The following CDH13 variants were observed in gnomAD, a reference collection of about 807,000 sequenced individuals.
CDH13 encodes the protein cadherin 13.
Under a neutral mutation model 63.8 loss-of-function variants are expected in CDH13, and 24 were observed. That is an observed-to-expected ratio of 0.38 (90% CI 0.27 to 0.53). CDH13 has a LOEUF of 0.53. Among genes scored for constraint, CDH13 ranks in the 20% least tolerant of loss-of-function variants. The pLI, the probability that CDH13 is intolerant of heterozygous loss-of-function variation, is 0.85. For missense variants in CDH13, 1,049 were observed against 903.1 expected (o/e 1.16, Z -2.07); for synonymous variants, 503 against 355.3 (o/e 1.42, Z -4.67).
intron 2 of CDH13, among the ~76,000 whole-genome samples, chr16:82,899,143 C>T (rs926634735): frequency 1.3e-5 from 2 of 152,192 alleles, no homozygotes; most frequent in African/African-American, 4.8e-5. Context: ...TCCTTTACTG[C>T]AAGCTCAGTC....
At chr16:83,581,006 A>G (rs561581605) in intron 7 of CDH13, among the ~76,000 whole-genome samples, 6 of 152,338 alleles carry the variant, frequency 3.9e-5, no homozygotes, top group Non-Finnish European at 8.8e-5. Flanking sequence ...CATTACCCAT[A>G]GATGGTGCCA....
At chr16:83,445,560 C>T (rs919251858) in intron 6 of CDH13, among the ~76,000 whole-genome samples, 3 of 152,070 alleles carry the variant, frequency 2.0e-5, no homozygotes, top group African/African-American at 4.8e-5. Flanking sequence ...TCCACAAAGG[C>T]GCAACCAGAA....
At chr16:83,382,499 T>C (rs1177142498) in intron 6 of CDH13, among the ~76,000 whole-genome samples, 1 of 152,150 alleles carries the variant, frequency 6.6e-6, no homozygotes, top group Non-Finnish European at 1.5e-5. Context: ...TATGTATCTA[T>C]GTGATGTCCC....
At chr16:82,908,964 C>T (rs905568196) in intron 2 of CDH13, among the ~76,000 whole-genome samples, 7 of 152,022 alleles carry the variant, frequency 4.6e-5, no homozygotes, top group African/African-American at 9.7e-5. Flanking sequence ...AAGGGTTCCA[C>T]GGGGCTGACT....
At chr16:83,057,291 G>A (rs2031048238) in intron 3 of CDH13, among the ~76,000 whole-genome samples, 1 of 152,084 alleles carries the variant, frequency 6.6e-6, no homozygotes, top group Admixed American at 6.6e-5. Flanking sequence ...TTAGCAACCT[G>A]AGAACAGACT....
intron 1 of CDH13, among the ~76,000 whole-genome samples, chr16:82,629,173 A>G (rs555414359): frequency 6.6e-6 from 1 of 152,314 alleles, no homozygotes; most frequent in East Asian, 1.9e-4. Context: ...GGCTCTGCGC[A>G]CGGTTCTTTT....
chr16:83,124,796 C>T (rs2035738837), intron 3 of CDH13, among the ~76,000 whole-genome samples: 1 of 152,118 alleles, frequency 6.6e-6, no homozygotes, highest in Non-Finnish European at 1.5e-5. Context: ...ATTTCCCTAT[C>T]ATATATTTTT....
intron 2 of CDH13, among the ~76,000 whole-genome samples, chr16:82,963,174 C>T (rs944291589): frequency 6.7e-6 from 1 of 150,356 alleles, no homozygotes; most frequent in African/African-American, 2.5e-5. Context: ...AGTTGAAGAC[C>T]AGCCTGGCCA....
At chr16:83,259,718 C>T (rs1259768774) in intron 5 of CDH13, among the ~76,000 whole-genome samples, 4 of 152,016 alleles carry the variant, frequency 2.6e-5, no homozygotes, top group African/African-American at 4.8e-5. Context: ...CATAGGTATA[C>T]GTGATTTTGA....
chr16:83,227,813 G>T (rs2039886681), intron 5 of CDH13, among the ~76,000 whole-genome samples: 1 of 152,174 alleles, frequency 6.6e-6, no homozygotes, highest in Non-Finnish European at 1.5e-5. Context: ...AAGGGATTCA[G>T]CTCAACCTGG....
At chr16:82,854,200 C>G (rs2039600425) in intron 1 of CDH13, among the ~76,000 whole-genome samples, 1 of 151,992 alleles carries the variant, frequency 6.6e-6, no homozygotes, top group African/African-American at 2.4e-5. Context: ...GATATCGAGA[C>G]CACCCTGGCC....
At chr16:82,662,056 CAG>C (rs1316365094) in intron 1 of CDH13, among the ~76,000 whole-genome samples, 4 of 152,208 alleles carry the variant, frequency 2.6e-5, no homozygotes, top group Non-Finnish European at 5.9e-5. Context: ...CCCGCCATCA[CAG>C]AGGGATTTGC....
intron 11 of CDH13, among the ~76,000 whole-genome samples, chr16:83,762,382 G>C (rs1448077581): frequency 2.0e-5 from 3 of 150,422 alleles, no homozygotes; most frequent in Non-Finnish European, 4.5e-5. Context: ...CTTAAGAAAG[G>C]ATAAAATAAA....
chr16:83,410,215 A>G (rs2092106294), intron 6 of CDH13, among the ~76,000 whole-genome samples: 1 of 152,214 alleles, frequency 6.6e-6, no homozygotes, highest in Admixed American at 6.5e-5. Context: ...TGTGTCTTTC[A>G]TGGGTCTCTA....
chr16:83,468,141 A>G (rs530660274), intron 6 of CDH13, among the ~76,000 whole-genome samples: 4 of 152,286 alleles, frequency 2.6e-5, no homozygotes, highest in South Asian at 4.1e-4. Flanking sequence ...GACCTTGTCC[A>G]TGTGATCTGA....
At chr16:82,978,559 A>G (rs758763557) in intron 2 of CDH13, among the ~76,000 whole-genome samples, 1 of 152,254 alleles carries the variant, frequency 6.6e-6, no homozygotes, top group Non-Finnish European at 1.5e-5. Flanking sequence ...AGGCCAAGGT[A>G]CAGCTCAGGT....
chr16:83,621,590 G>A (rs1314747171), intron 8 of CDH13, among the ~76,000 whole-genome samples: 1 of 134,814 alleles, frequency 7.4e-6, no homozygotes, highest in Non-Finnish European at 1.5e-5. Context: ...AGGTTCAAGC[G>A]ATTCTCCTGC....
chr16:82,839,868 T>A (rs1040405357), intron 1 of CDH13, among the ~76,000 whole-genome samples: 4 of 152,166 alleles, frequency 2.6e-5, no homozygotes, highest in Admixed American at 1.3e-4. Context: ...TATTTTTCCA[T>A]AAGAAAAATC....
intron 1 of CDH13, among the ~76,000 whole-genome samples, chr16:82,673,139 G>A (rs1468360127): frequency 6.6e-6 from 1 of 150,936 alleles, no homozygotes; most frequent in Non-Finnish European, 1.5e-5. Context: ...ACTGTGCCCA[G>A]CCCCAGGAAA....
Sources: allele counts gnomAD v4.1 joint callset (sites outside exome capture counted in the v4.1 genomes callset), GRCh38; gene constraint gnomAD v4.1.1; transcripts MANE v1.5; gene names NCBI Gene and HGNC (gene_info 2026-07-23, HGNC 2026-07-21).